The following ROBO2 variants were observed in gnomAD, a reference collection of about 807,000 sequenced individuals.
ROBO2 encodes the protein roundabout homolog 2.
A neutral mutation model predicts 160.8 loss-of-function variants in ROBO2; 53 were observed. The observed-to-expected ratio is 0.33, with a 90% CI of 0.26 to 0.41. The LOEUF (loss-of-function observed/expected upper bound fraction) is 0.41, where lower values mean the gene tolerates loss of function less well. Ranked by LOEUF, ROBO2 falls within the 10% of genes least tolerant of loss-of-function variation. The pLI, the probability that ROBO2 is intolerant of heterozygous loss-of-function variation, is 1.00. For missense variants in ROBO2, 1,577 were observed against 1,722.4 expected (o/e 0.92, Z 1.49); for synonymous variants, 664 against 611.7 (o/e 1.09, Z -1.26).
At chr3:76,189,539 C>T (rs1241077916) in intron 2 of ROBO2, among the ~76,000 whole-genome samples, 2 of 151,926 alleles carry the variant, frequency 1.3e-5, no homozygotes, top group African/African-American at 4.8e-5. Context: ...TTTTCAGATC[C>T]AAGATTCTCT....
At chr3:77,587,636 A>G (rs1231377461) in intron 16 of ROBO2, among the ~76,000 whole-genome samples, 1 of 152,094 alleles carries the variant, frequency 6.6e-6, no homozygotes, top group Non-Finnish European at 1.5e-5. Context: ...ATATAAGCTT[A>G]CTGCTTACTT....
Position 77,524,521 on chromosome 3 carries a change from C to T in ROBO2, c.934+1619C>T, listed in dbSNP as rs187470192. On this transcript the variant is annotated intron_variant, in intron 6 of 25. Transcript: ENST00000461745. ...ACAACCAACCAATAAATGCTCCATC[C>T]GAAAAATATTTGCTGACTAAACAAA... Among the ~76,000 whole-genome samples the T allele has an allele frequency of 5.3e-5, 8 of 151,284 alleles. No individual in the cohort carries two copies. In the East Asian group the frequency reaches 7.8e-4, roughly 15 times the overall value.
intron 2 of ROBO2, among the ~76,000 whole-genome samples, chr3:77,295,382 G>A (rs1392180693): frequency 6.6e-6 from 1 of 150,528 alleles, no homozygotes; most frequent in Admixed American, 6.6e-5. Context: ...GGTAAGCTGA[G>A]GCTAGAGCAC....
rs996099236 is a variant in ROBO2, at chr3:77,040,016, G to A, written c.-770G>A. 160 of 793,310 alleles carry A rather than the reference G, an allele frequency of 2.0e-4. No individual in the cohort carries two copies. In the African/African-American group the frequency reaches 2.9e-3, roughly 14 times the overall value. 49.1% of individuals were successfully genotyped at this position (793,310 alleles called of 1,614,324 possible). ...GTGCACTATCCTCAGAGGCGGCACC[G>A]CGGGGGTGTCTGCAGCCTCGGCCTC... is the stretch of plus-strand genomic sequence containing the variant. On this transcript the variant is annotated 5_prime_UTR_variant, in exon 1 of 26. Coordinates refer to ENST00000461745, the Ensembl canonical transcript of ROBO2.
intron 2 of ROBO2, among the ~76,000 whole-genome samples, chr3:76,992,642 AT>A (rs909508091): frequency 2.9e-4 from 44 of 149,576 alleles, no homozygotes; most frequent in East Asian, 9.9e-4. Flanking sequence ...AAAAATAAGA[AT>A]TTTTTTTTTC....
intron 2 of ROBO2, among the ~76,000 whole-genome samples, chr3:76,041,855 A>T (rs1204484661): frequency 1.3e-5 from 2 of 151,972 alleles, no homozygotes. Flanking sequence ...GTAATGGCGC[A>T]AACGCATTGC....
chr3:77,588,683 G>A (rs2094113087), intron 16 of ROBO2, 68 bp from the exon 18 acceptor site: 1 of 1,424,756 alleles, frequency 7.0e-7, no homozygotes. Context: ...CATTTTTGAT[G>A]CACCATGTTT....
chr3:77,117,289 A>T (rs2074303835), intron 2 of ROBO2, among the ~76,000 whole-genome samples: 1 of 152,210 alleles, frequency 6.6e-6, no homozygotes, highest in South Asian at 2.1e-4. Flanking sequence ...TAAGGCATTA[A>T]AATAATGGTT....
intron 2 of ROBO2, among the ~76,000 whole-genome samples, chr3:77,230,066 G>C (rs747284367): frequency 6.6e-6 from 1 of 151,808 alleles, no homozygotes; most frequent in Admixed American, 6.6e-5. Context: ...TTTACTCTAG[G>C]GTTGTTACTT....
chr3:76,277,608 C>T (rs367812205), intron 2 of ROBO2, among the ~76,000 whole-genome samples: 11 of 151,992 alleles, frequency 7.2e-5, no homozygotes, highest in African/African-American at 2.6e-4. Flanking sequence ...CAAAAGCCTT[C>T]AGCAATTGAC....
chr3:76,035,983 G>A (rs1022785642), intron 2 of ROBO2, among the ~76,000 whole-genome samples: 1 of 151,850 alleles, frequency 6.6e-6, no homozygotes, highest in Non-Finnish European at 1.5e-5. Context: ...TTCCTTCAAA[G>A]TTATTTTCCT....
intron 2 of ROBO2, among the ~76,000 whole-genome samples, chr3:76,132,826 G>T (rs543135751): frequency 6.6e-6 from 1 of 152,178 alleles, no homozygotes; most frequent in East Asian, 1.9e-4. Flanking sequence ...AAGAGACAAG[G>T]TTAGAAAAAG....
intron 2 of ROBO2, among the ~76,000 whole-genome samples, chr3:77,411,220 C>T (rs1397724951): frequency 1.3e-5 from 2 of 152,166 alleles, no homozygotes; most frequent in Admixed American, 6.5e-5. Flanking sequence ...CAAAGTCCTG[C>T]TCTTGAGTCC....
rs139253800 is a variant in ROBO2, at chr3:76,103,026, T to C, written c.109+165424T>C. 5.5e-3 allele frequency among the ~76,000 whole-genome samples: 833 copies of C among 152,150 alleles called. 10 individuals carry two copies. The highest frequency in any genetic ancestry group is 0.019 in the African/African-American group (804 of 41,516). ...TTTTAGTAGAGTCGGGGTTTCACCA[T>C]GTTAGCCAGGATGGTCTCAATCTCC... On this transcript the variant is annotated intron_variant, in intron 2 of 26. Transcript: ENST00000487694.
intron 2 of ROBO2, among the ~76,000 whole-genome samples, chr3:77,148,926 A>G (rs1209902004): frequency 6.6e-6 from 1 of 152,144 alleles, no homozygotes; most frequent in African/African-American, 2.4e-5. Context: ...AGAAAGCTTG[A>G]TGTTGGAGTT....
chr3:76,434,107 G>A (rs887640026), intron 2 of ROBO2: 53 of 1,255,100 alleles, frequency 4.2e-5, no homozygotes, highest in Middle Eastern at 2.6e-4. Flanking sequence ...TGCACCGTGG[G>A]TATGGAGACA....
chr3:76,347,767 A>G (rs2074616676), intron 2 of ROBO2, among the ~76,000 whole-genome samples: 1 of 152,080 alleles, frequency 6.6e-6, no homozygotes, highest in African/African-American at 2.4e-5. Context: ...ATTGTGAGAA[A>G]TACCTGGAAA....
At chr3:76,499,202 C>CT (rs2080326566) in intron 2 of ROBO2, among the ~76,000 whole-genome samples, 3 of 152,158 alleles carry the variant, frequency 2.0e-5, no homozygotes, top group Non-Finnish European at 2.9e-5. Flanking sequence ...TGCCACTGTC[C>CT]TTTCCCTCAA....
chr3:76,000,655 AT>A (rs551543342), intron 2 of ROBO2, among the ~76,000 whole-genome samples: 1 of 151,746 alleles, frequency 6.6e-6, no homozygotes, highest in African/African-American at 2.4e-5. Flanking sequence ...CACCTGGCTA[AT>A]TTTTTTGTAT....
Sources: gnomAD v4.1 joint callset for allele counts (sites outside exome capture counted in the v4.1 genomes callset) on GRCh38, gnomAD v4.1.1 for gene constraint, MANE v1.5 for transcripts, NCBI Gene and HGNC (gene_info 2026-07-23, HGNC 2026-07-21) for gene names.